PPARGC1A: variants seen among roughly 807,000 people sequenced by gnomAD.
The protein encoded by PPARGC1A is PPARG coactivator 1 alpha, also known as peroxisome proliferator-activated receptor gamma coactivator 1-alpha.
In PPARGC1A, 25 loss-of-function variants were observed where a neutral mutation model predicts 88.7. The ratio of observed to expected loss-of-function variants is 0.28; its 90% confidence interval spans 0.21 to 0.39. The LOEUF (loss-of-function observed/expected upper bound fraction) is 0.39. Among genes scored for constraint, PPARGC1A ranks in the 10% least tolerant of loss-of-function variants. The probability of loss-of-function intolerance (pLI) is 1.00; values close to 1 mark genes in which losing one functional copy is unlikely to be tolerated. For missense variants in PPARGC1A, 880 were observed against 968.7 expected (o/e 0.91, Z 1.22); for synonymous variants, 363 against 355.6 (o/e 1.02, Z -0.24).
chr4:24,103,430 G>A, the PPARGC1A span, among the ~76,000 whole-genome samples: 1 of 152,088 alleles, frequency 6.6e-6, no homozygotes, highest in Non-Finnish European at 1.5e-5. Flanking sequence ...CTGAAGGTGT[G>A]TAGGATACAG....
chr4:23,801,716 A>G lies in PPARGC1A; in HGVS notation c.2293+14T>C, dbSNP rs1278277909. On this transcript the variant is annotated intron_variant, in intron 12 of 12. Transcript: ENST00000264867. ...ATTATGGATTCCTCATTCCACGTAC[A>G]ATAAAATCCATACCTAGGTCTGCAT... is the stretch of plus-strand genomic sequence containing the variant. 3.7e-6 allele frequency: 6 copies of G among 1,613,570 alleles called. No homozygotes were observed. In the African/African-American group the frequency reaches 8.0e-5, roughly 22 times the overall value.
the PPARGC1A span, among the ~76,000 whole-genome samples, chr4:24,001,308 T>G: frequency 6.6e-6 from 1 of 152,236 alleles, no homozygotes; most frequent in South Asian, 2.1e-4. Context: ...AAGATGCACC[T>G]TTATTTTTCC....
At chr4:24,235,849 A>C in the PPARGC1A span, among the ~76,000 whole-genome samples, 1 of 152,160 alleles carries the variant, frequency 6.6e-6, no homozygotes, top group Non-Finnish European at 1.5e-5. Flanking sequence ...GACTCAGCTC[A>C]ACTGAACTGC....
chr4:24,009,697 C>G, the PPARGC1A span, among the ~76,000 whole-genome samples: 1 of 152,198 alleles, frequency 6.6e-6, no homozygotes, highest in African/African-American at 2.4e-5. Flanking sequence ...CTGATGAGAT[C>G]TCAGTTTCAG....
chr4:24,231,429 C>G, the PPARGC1A span, among the ~76,000 whole-genome samples: 1 of 152,162 alleles, frequency 6.6e-6, no homozygotes, highest in African/African-American at 2.4e-5. Flanking sequence ...ACTCTCCAGT[C>G]CGGTCCAGTC....
At chr4:24,191,163 A>G in the PPARGC1A span, among the ~76,000 whole-genome samples, 1 of 152,350 alleles carries the variant, frequency 6.6e-6, no homozygotes, top group African/African-American at 2.4e-5. Context: ...GTGAATGAAG[A>G]ATCGAGCTGT....
the PPARGC1A span, among the ~76,000 whole-genome samples, chr4:23,978,341 A>C: frequency 0.02 from 3,101 of 152,306 alleles, 109 homozygotes; most frequent in African/African-American, 0.071. Flanking sequence ...TTTGCATAGA[A>C]GATTTGTTAT....
At chr4:23,909,516 A>G in the PPARGC1A span, among the ~76,000 whole-genome samples, 4 of 150,930 alleles carry the variant, frequency 2.7e-5, no homozygotes, top group Non-Finnish European at 4.4e-5. Flanking sequence ...ACAAATGGTT[A>G]CAAGAGTCAT....
At chr4:23,895,267 C>G (rs944965918) in intron 1 of PPARGC1A, among the ~76,000 whole-genome samples, 4 of 148,710 alleles carry the variant, frequency 2.7e-5, no homozygotes, top group African/African-American at 9.9e-5. Flanking sequence ...CAAAACAAAA[C>G]TGTATTTTGC....
the PPARGC1A span, among the ~76,000 whole-genome samples, chr4:24,289,242 A>AAAAG: frequency 0.011 from 1,013 of 95,498 alleles, 17 homozygotes; most frequent in African/African-American, 0.019. Context: ...AAAAAAAAAA[A>AAAAG]AGAGAGAGAG....
the PPARGC1A span, among the ~76,000 whole-genome samples, chr4:24,236,948 T>C: frequency 2.1e-4 from 32 of 152,310 alleles, no homozygotes; most frequent in Non-Finnish European, 3.2e-4. Flanking sequence ...AAAACAGTCT[T>C]TGGCCCTTTT....
At chr4:24,393,723 C>T in the PPARGC1A span, among the ~76,000 whole-genome samples, 8 of 152,244 alleles carry the variant, frequency 5.3e-5, no homozygotes, top group African/African-American at 1.9e-4. Flanking sequence ...ACAATTCTTG[C>T]CACGTCCTTG....
chr4:24,370,330 G>A, the PPARGC1A span, among the ~76,000 whole-genome samples: 1 of 151,900 alleles, frequency 6.6e-6, no homozygotes, highest in Non-Finnish European at 1.5e-5. Context: ...CTTTCATATG[G>A]TTTGGCCTAA....
chr4:24,273,698 TA>T, the PPARGC1A span, among the ~76,000 whole-genome samples: 1 of 150,548 alleles, frequency 6.6e-6, no homozygotes, highest in Non-Finnish European at 1.5e-5. Flanking sequence ...GACGAGACTC[TA>T]AAATAGCTTT....
chr4:24,458,378 G>A, the PPARGC1A span, among the ~76,000 whole-genome samples: 1 of 152,192 alleles, frequency 6.6e-6, no homozygotes, highest in African/African-American at 2.4e-5. Context: ...GCACACGCCT[G>A]TAGTCCCAGC....
chr4:24,406,465 T>G, the PPARGC1A span, among the ~76,000 whole-genome samples: 1 of 152,242 alleles, frequency 6.6e-6, no homozygotes, highest in Admixed American at 6.5e-5. Context: ...TGTGTCTGCA[T>G]ATCTCTGTCT....
At chr4:24,437,594 TTTGTTGTTGTTG>T in the PPARGC1A span, among the ~76,000 whole-genome samples, 768 of 143,840 alleles carry the variant, frequency 5.3e-3, 6 homozygotes, top group African/African-American at 0.017. Flanking sequence ...GCACAGGTTT[TTTGTTGTTGTTG>T]TTGTTGTTGT....
chr4:23,916,244 G>A, the PPARGC1A span, among the ~76,000 whole-genome samples: 1 of 152,116 alleles, frequency 6.6e-6, no homozygotes, highest in Admixed American at 6.5e-5. Flanking sequence ...ACTACCTTTG[G>A]CATAGATGTA....
chr4:24,153,809 T>G, the PPARGC1A span, among the ~76,000 whole-genome samples: 1 of 152,078 alleles, frequency 6.6e-6, no homozygotes, highest in East Asian at 1.9e-4. Context: ...TCACTGCAAG[T>G]TGGAAACAAC....
Sources: gnomAD v4.1 joint callset for allele counts (sites outside exome capture counted in the v4.1 genomes callset) on GRCh38, gnomAD v4.1.1 for gene constraint, MANE v1.5 for transcripts, NCBI Gene and HGNC (gene_info 2026-07-23, HGNC 2026-07-21) for gene names.